Variants in MAP4 observed in about 807,000 individuals in gnomAD.
The protein encoded by MAP4 is microtubule-associated protein 4.
A neutral mutation model predicts 170.2 loss-of-function variants in MAP4; 76 were observed. The observed-to-expected ratio is 0.45, with a 90% confidence interval of 0.37 to 0.54. The LOEUF (loss-of-function observed/expected upper bound fraction) is 0.54, where lower values mean the gene tolerates loss of function less well. MAP4 is among the 20% of genes least tolerant of loss of function. MAP4 has a pLI of 0.00. For missense variants in MAP4, 2,506 were observed against 2,748.0 expected (o/e 0.91, Z 1.97); for synonymous variants, 909 against 994.5 (o/e 0.91, Z 1.62).
At chr3:48,034,234 A>G (rs766523413) in intron 1 of MAP4, among the ~76,000 whole-genome samples, 11 of 152,138 alleles carry the variant, frequency 7.2e-5, no homozygotes, top group Non-Finnish European at 1.3e-4. Flanking sequence ...GACATTTCAC[A>G]CTACTTAGAA....
chr3:48,021,548 A>G (rs1028055139), intron 1 of MAP4, among the ~76,000 whole-genome samples: 3 of 152,124 alleles, frequency 2.0e-5, no homozygotes, highest in African/African-American at 2.4e-5. Flanking sequence ...GGGTTTCACC[A>G]TGTTGGCCAG....
At chr3:48,000,368 G>A (rs1456183677) in intron 1 of MAP4, among the ~76,000 whole-genome samples, 1 of 152,086 alleles carries the variant, frequency 6.6e-6, no homozygotes, top group Non-Finnish European at 1.5e-5. Context: ...AGACTCCATA[G>A]GATAAGTTGA....
At chr3:47,888,864 C>A (rs993407441) in intron 10 of MAP4, among the ~76,000 whole-genome samples, 1 of 152,128 alleles carries the variant, frequency 6.6e-6, no homozygotes, top group African/African-American at 2.4e-5. Context: ...GTGAATGAAG[C>A]GGGTGGGTCT....
At chr3:47,933,183 T>C (rs987075652) in intron 3 of MAP4, among the ~76,000 whole-genome samples, 5 of 152,102 alleles carry the variant, frequency 3.3e-5, no homozygotes, top group African/African-American at 1.2e-4. Context: ...TTCTAGAACA[T>C]ACAGAACTAT....
At chr3:47,966,227 CCTTTTTTTTTTTTT>C in intron 3 of MAP4, among the ~76,000 whole-genome samples, 1 of 83,160 alleles carries the variant, frequency 1.2e-5, no homozygotes, top group African/African-American at 4.1e-5. Context: ...GCCCACACTA[CCTTTTTTTTTTTTT>C]TTTTTTTTTT....
At chr3:47,877,597 G>T in intron 10 of MAP4, 74 bp from the exon 11 acceptor site, 2 of 1,005,232 alleles carry the variant, frequency 2.0e-6, no homozygotes, top group East Asian at 2.5e-5. Context: ...ACAAGGTTTA[G>T]CAAAGACAGA....
Position 48,087,743 on chromosome 3 carries a change from GCGCACACACACA to G in MAP4, c.-20+1018_-20+1029del, listed in dbSNP as rs1325388008. ...CACACGCACGCGCACACACACGCACGCGCACACACACACACACACACACACACACACACACTG... is the reference window on the plus strand; with the variant it reads ...CACACGCACGCGCACACACACGCACGCACACACACACACACACACACACTG... On this transcript the variant is annotated intron_variant, in intron 1 of 18. Coordinates refer to the MAP4 transcript ENST00000360240. Among the ~76,000 whole-genome samples, 46 of 68,048 alleles carry G rather than the reference GCGCACACACACA, an allele frequency of 6.8e-4. No homozygotes were observed. The East Asian group carries it at 9.4e-3, about 14-fold the overall frequency. 44.6% of individuals were successfully genotyped at this position (68,048 alleles called of 152,430 possible).
rs1347865049 is a variant in MAP4 at position 47,911,616 on chromosome 3, A to G, written c.2805T>C (p.Asn935=). The change falls in exon 9 of 21, where the codon AAT becomes AAC. Residue 935 remains asparagine (N), a synonymous_variant. Transcript: ENST00000683076. The surrounding 1 kb of genome is among the most constrained non-coding windows in gnomAD (Gnocchi z 4.0). ...KGPLAEVSAY[N]VETPLDIRLK... The stretch of plus-strand genomic sequence containing the variant: ...GTCTGATATCCAAAGGGGTTTCTAC[A>G]TTGTATGCAGAAACTTCTGCTAGGG... 7 of 1,536,092 alleles carry G rather than the reference A, an allele frequency of 4.6e-6. No homozygotes were observed. Among genetic ancestry groups the G allele is most frequent in the Non-Finnish European group, 6.1e-6 (7 of 1,146,902 alleles).
chr3:47,958,888 T>C (rs1430224752), intron 3 of MAP4, among the ~76,000 whole-genome samples: 1 of 152,038 alleles, frequency 6.6e-6, no homozygotes, highest in African/African-American at 2.4e-5. Context: ...TTCACCATGT[T>C]GGCCAGGATG....
intron 1 of MAP4, among the ~76,000 whole-genome samples, chr3:48,067,291 A>T (rs2154562441): frequency 6.6e-6 from 1 of 152,258 alleles, no homozygotes; most frequent in East Asian, 1.9e-4. Flanking sequence ...AAAAACCTCA[A>T]CACAATACTA....
chr3:48,061,197 C>CCCCTCT (rs200606918), intron 1 of MAP4, among the ~76,000 whole-genome samples: 6 of 151,028 alleles, frequency 4.0e-5, no homozygotes, highest in South Asian at 2.1e-4. Flanking sequence ...CCTCCCCCTC[C>CCCCTCT]CCCTCTCCCT....
At chr3:48,056,674 A>G (rs2100131957) in intron 1 of MAP4, among the ~76,000 whole-genome samples, 2 of 109,680 alleles carry the variant, frequency 1.8e-5, no homozygotes, top group Non-Finnish European at 3.7e-5. Flanking sequence ...TGGGGGGGTC[A>G]GCCCTCCGCC....
In MAP4 at chr3:47,902,998, A is replaced by C; in HGVS notation, c.5386T>G (p.Cys1796Gly). Residue 1796 changes from cysteine to glycine, a missense_variant and splice_region_variant, in exon 10 of 21, where the codon TGC (cysteine) becomes GGC (glycine). Cys to Gly is a radical substitution (Grantham distance 159, BLOSUM62 -3). Transcript: ENST00000683076. ...ERHKQLKSAV[C>G]LSSSTVYQQL... Reference sequence around the variant, plus strand: ...TGGTAGACAGTTGATGAGCTCAAGCAAACTGAAGAAAGAAATGAAAGCCAG... The same window carrying C: ...TGGTAGACAGTTGATGAGCTCAAGCCAACTGAAGAAAGAAATGAAAGCCAG... The C allele has an allele frequency of 1.0e-6, 1 of 984,874 alleles. No homozygotes were observed. The highest frequency in any genetic ancestry group is 1.2e-6 in the Non-Finnish European group (1 of 829,434). The allele number at this position is 984,874 out of a possible 1,614,324, so 61.0% of individuals were successfully genotyped here.
intron 3 of MAP4, among the ~76,000 whole-genome samples, chr3:47,976,419 T>C (rs972305050): frequency 1.3e-5 from 2 of 152,242 alleles, no homozygotes; most frequent in Non-Finnish European, 2.9e-5. Flanking sequence ...GTTTCCTTCC[T>C]GGATGAAAAT....
chr3:48,035,342 A>G (rs76935848), intron 1 of MAP4, among the ~76,000 whole-genome samples: 1 of 151,856 alleles, frequency 6.6e-6, no homozygotes, highest in Non-Finnish European at 1.5e-5. Flanking sequence ...ATATAAAAAA[A>G]TAAGAACTAG....
chr3:48,004,050 A>T (rs757635391), intron 1 of MAP4, among the ~76,000 whole-genome samples: 1 of 152,152 alleles, frequency 6.6e-6, no homozygotes, highest in African/African-American at 2.4e-5. Context: ...GTGTAAGTCA[A>T]TACTTACTAA....
chr3:47,856,029 G>A (rs1054833304), intron 18 of MAP4, among the ~76,000 whole-genome samples: 5 of 152,226 alleles, frequency 3.3e-5, no homozygotes, highest in African/African-American at 4.8e-5. Flanking sequence ...AGGCTAGGAC[G>A]GGGAGGGAAA....
Position 47,916,132 on chromosome 3 carries a change from G to A in MAP4, c.1695C>T (p.Thr565=). Residue 565 remains threonine, a synonymous_variant, in exon 7 of 21, where the codon ACC becomes ACT. Coordinates refer to ENST00000683076, the MANE Select transcript of MAP4 (RefSeq NM_001385682.1). ...TGGCTGGAGTCACATTGTTGGCCAG[G>A]GTCAGAACCCCATCCTTAGCCAGGG... ...EAPLAKDGVL[T]LANNVTPAKD... is the part of the protein sequence containing the mutation. 1.2e-6 allele frequency: 2 copies of A among 1,614,184 alleles called. No homozygotes were observed. Among genetic ancestry groups the A allele is most frequent in the Non-Finnish European group, 8.5e-7 (1 of 1,180,028 alleles).
Position 47,918,724 on chromosome 3 carries a change from G to A in MAP4, c.647C>T (p.Thr216Met), listed in dbSNP as rs76333690. The change falls in exon 6 of 21, where the codon ACG (threonine) becomes ATG (methionine). Residue 216 changes from threonine (T) to methionine (M), a missense_variant. This residue lies in a region of MAP4 where 2,008 missense variants were observed against 2,206.0 expected (regional missense o/e 0.91). Coordinates refer to ENST00000683076, the MANE Select transcript of MAP4 (RefSeq NM_001385682.1). ...PEAVAEPPQP[T>M]AVPLELAKEI... ...GGGAGTCTCTAATAGTTTACCTGCC[G>A]TTGGCTGAGGAGGTTCTGCAACAGC... 8.7e-4 allele frequency: 1,402 copies of A among 1,608,914 alleles called. 13 individuals are homozygous for A. The African/African-American group carries it at 0.016, about 18-fold the overall frequency.
Sources: allele counts gnomAD v4.1 joint callset (sites outside exome capture counted in the v4.1 genomes callset), GRCh38; gene constraint gnomAD v4.1.1; regional missense constraint gnomAD v4.1.1; non-coding constraint Gnocchi (gnomAD v3.1); transcripts MANE v1.5; gene names NCBI Gene and HGNC (gene_info 2026-07-23, HGNC 2026-07-21).